The following MMP26 variants were observed in gnomAD, a reference collection of about 807,000 sequenced individuals.
MMP26 encodes the protein matrix metallopeptidase 26.
Under a neutral mutation model 31.0 loss-of-function variants are expected in MMP26, and 33 were observed. That is an observed-to-expected ratio of 1.06 (90% confidence interval 0.81 to 1.42). The LOEUF is 1.42. Among genes scored for constraint, MMP26 ranks in the 40% most tolerant of loss-of-function variants. The probability of loss-of-function intolerance (pLI) is 0.00; values close to 1 mark genes in which losing one functional copy is unlikely to be tolerated. For missense variants in MMP26, 347 were observed against 316.1 expected (o/e 1.10, Z -0.74); for synonymous variants, 122 against 114.9 (o/e 1.06, Z -0.40).
At chr11:4,968,260 CA>C (rs1489068020) in intron 2 of MMP26, among the ~76,000 whole-genome samples, 2 of 152,022 alleles carry the variant, frequency 1.3e-5, no homozygotes, top group Non-Finnish European at 2.9e-5. Context: ...TTTGACAATA[CA>C]AATATAACCT....
intron 2 of MMP26, chr11:4,972,797 A>C (rs1049959249): frequency 4.6e-5 from 7 of 152,218 alleles, no homozygotes; most frequent in African/African-American, 1.7e-4. Flanking sequence ...TACTGAACCA[A>C]CAGATTTGCA....
chr11:4,989,951 T>C (rs960287631), intron 4 of MMP26, 83 bp downstream of exon 4: 11 of 1,097,874 alleles, frequency 1.0e-5, no homozygotes, highest in Admixed American at 2.1e-5. Context: ...TGGAGGTACC[T>C]CTACTCTCTT....
chr11:4,930,342 A>G (rs1401780362), intron 2 of MMP26, among the ~76,000 whole-genome samples: 1 of 152,056 alleles, frequency 6.6e-6, no homozygotes, highest in African/African-American at 2.4e-5. Context: ...GAATGCTTCA[A>G]GGTATACCTT....
intron 1 of MMP26, among the ~76,000 whole-genome samples, chr11:4,719,914 C>T (rs551532439): frequency 7.1e-4 from 108 of 152,266 alleles, no homozygotes; most frequent in African/African-American, 2.4e-3. Flanking sequence ...TAAACTTCTC[C>T]CTTAAAGAGA....
chr11:4,882,005 C>A (rs1326923108), intron 2 of MMP26: 1 of 1,613,868 alleles, frequency 6.2e-7, no homozygotes, highest in African/African-American at 1.3e-5. Context: ...AGTCTGCTGT[C>A]TCTACACCAT....
At chr11:4,731,132 T>G (rs1359896979) in intron 1 of MMP26, among the ~76,000 whole-genome samples, 1 of 151,974 alleles carries the variant, frequency 6.6e-6, no homozygotes, top group African/African-American at 2.4e-5. Flanking sequence ...TTAGTAGAGA[T>G]GAGGTTTCAC....
At chr11:4,807,953 C>T (rs1849300354) in intron 2 of MMP26, among the ~76,000 whole-genome samples, 1 of 151,980 alleles carries the variant, frequency 6.6e-6, no homozygotes, top group Non-Finnish European at 1.5e-5. Flanking sequence ...TACAGATACG[C>T]ACCACAACGC....
chr11:4,757,993 C>T (rs1045266350), intron 1 of MMP26, among the ~76,000 whole-genome samples: 1 of 152,106 alleles, frequency 6.6e-6, no homozygotes, highest in Non-Finnish European at 1.5e-5. Context: ...TCCAGAAATT[C>T]TACTCCTTGG....
At chr11:4,956,631 C>G (rs1564814786) in intron 2 of MMP26, among the ~76,000 whole-genome samples, 1 of 152,158 alleles carries the variant, frequency 6.6e-6, no homozygotes, top group African/African-American at 2.4e-5. Flanking sequence ...TGTTGCAGGA[C>G]AAACATCCTG....
intron 2 of MMP26, among the ~76,000 whole-genome samples, chr11:4,987,382 GA>G (rs1185557031): frequency 2.6e-5 from 4 of 151,678 alleles, no homozygotes; most frequent in Admixed American, 2.6e-4. Flanking sequence ...AGGTCTTGGA[GA>G]TTTTTTTTGT....
intron 1 of MMP26, among the ~76,000 whole-genome samples, chr11:4,725,802 G>C (rs1211810697): frequency 6.6e-6 from 1 of 152,198 alleles, no homozygotes; most frequent in East Asian, 1.9e-4. Context: ...TTTCTGTGGT[G>C]GTAGAGTAAA....
intron 2 of MMP26, among the ~76,000 whole-genome samples, chr11:4,899,791 TTTTA>T (rs1187247857): frequency 2.0e-5 from 3 of 152,138 alleles, no homozygotes; most frequent in Non-Finnish European, 2.9e-5. Flanking sequence ...TTAACATAAA[TTTTA>T]TTTATTTTAT....
At chr11:4,937,834 T>G (rs948724073) in intron 2 of MMP26, 1 of 153,176 alleles carries the variant, frequency 6.5e-6, no homozygotes, top group African/African-American at 2.4e-5. Context: ...CAAAAGAACA[T>G]TCTTGGAAGT....
At position 4,961,270 on chromosome 11, in the gene MMP26, A is replaced by G. The variant is rs528154351; in HGVS notation, c.-144-26798A>G. Among the ~76,000 whole-genome samples, 6 of 152,326 alleles carry G rather than the reference A, an allele frequency of 3.9e-5. No individual in the cohort carries two copies. The South Asian group carries it at 1.2e-3, about 32-fold the overall frequency. On this transcript the variant is annotated intron_variant, in intron 2 of 7. Coordinates refer to ENST00000380390, the MANE Select transcript of MMP26 (RefSeq NM_021801.5). ...TCATGGAGTTAAATTTCCGATGTCC[A>G]AGGGAGCAGTAGAAAAGTCTGTCCT...
intron 2 of MMP26, among the ~76,000 whole-genome samples, chr11:4,958,620 A>G (rs1005205472): frequency 1.3e-5 from 2 of 151,920 alleles, no homozygotes; most frequent in African/African-American, 4.8e-5. Context: ...ATCTGTATCT[A>G]TCTGGTTTGT....
At chr11:4,901,967 C>T (rs1256069206) in intron 2 of MMP26, among the ~76,000 whole-genome samples, 3 of 152,192 alleles carry the variant, frequency 2.0e-5, no homozygotes, top group East Asian at 3.9e-4. Flanking sequence ...ACTTGATAAT[C>T]GAATCCAGGT....
chr11:4,871,848 G>C (rs1442791068), intron 2 of MMP26: 1 of 152,126 alleles, frequency 6.6e-6, no homozygotes, highest in African/African-American at 2.4e-5. Flanking sequence ...GTAAAGGTCA[G>C]TAATGAGTGG....
intron 2 of MMP26, among the ~76,000 whole-genome samples, chr11:4,813,700 C>T (rs954769335): frequency 4.4e-4 from 67 of 152,048 alleles, no homozygotes; most frequent in African/African-American, 1.6e-3. Flanking sequence ...AAAGCTAAAG[C>T]TATAGAGCTT....
intron 2 of MMP26, chr11:4,913,500 C>A (rs1851023994): frequency 6.6e-6 from 1 of 152,160 alleles, no homozygotes; most frequent in Admixed American, 6.6e-5. Flanking sequence ...TACCTCCAAG[C>A]CCAAACTGCA....
Sources: gnomAD v4.1 joint callset for allele counts (sites outside exome capture counted in the v4.1 genomes callset) on GRCh38, gnomAD v4.1.1 for gene constraint, MANE v1.5 for transcripts, NCBI Gene and HGNC (gene_info 2026-07-23, HGNC 2026-07-21) for gene names.